The following STK32A variants were observed in gnomAD, a reference collection of about 807,000 sequenced individuals.
STK32A encodes serine/threonine kinase 32A.
Under a neutral mutation model 53.2 loss-of-function variants are expected in STK32A, and 41 were observed. The ratio of observed to expected loss-of-function variants is 0.77; its 90% confidence interval spans 0.60 to 1.00. The LOEUF is 1.00. Ranked by LOEUF, STK32A falls within the 50% of genes least tolerant of loss-of-function variation. The probability of loss-of-function intolerance (pLI) is 0.00; values close to 1 mark genes in which losing one functional copy is unlikely to be tolerated. For synonymous variants in STK32A, 166 were observed against 162.8 expected, an observed-to-expected ratio of 1.02 and a Z score of -0.15; for missense variants, 458 against 485.8, an observed-to-expected ratio of 0.94 and a Z score of 0.54.
At chr5:147,390,584 G>GA (rs994771324), downstream of STK32A, among the ~76,000 whole-genome samples, 1 of 150,926 alleles carries the variant, frequency 6.6e-6, no homozygotes, top group Admixed American at 6.6e-5. Context: ...ATCCACAGAA[G>GA]AAAAAAACTT....
At chr5:147,263,722 G>A (rs1217052932) in intron 2 of STK32A, among the ~76,000 whole-genome samples, 4 of 151,988 alleles carry the variant, frequency 2.6e-5, no homozygotes, top group Non-Finnish European at 5.9e-5. Flanking sequence ...AACATTTAAT[G>A]GCCAGGTGAG....
At chr5:147,306,880 G>A (rs1355633686) in intron 4 of STK32A, among the ~76,000 whole-genome samples, 1 of 151,992 alleles carries the variant, frequency 6.6e-6, no homozygotes, top group Non-Finnish European at 1.5e-5. Context: ...ATATAACTAT[G>A]CCTGACAATA....
At chr5:147,329,009 G>A (rs975554536) in intron 5 of STK32A, among the ~76,000 whole-genome samples, 1 of 152,080 alleles carries the variant, frequency 6.6e-6, no homozygotes, top group African/African-American at 2.4e-5. Context: ...ATAACTCACT[G>A]TTTGCTAAAT....
At chr5:147,370,318 ATACT>A (rs1232137223) in intron 8 of STK32A, among the ~76,000 whole-genome samples, 1 of 152,192 alleles carries the variant, frequency 6.6e-6, no homozygotes. Flanking sequence ...TTTCGTGTTA[ATACT>A]TATATAATAC....
chr5:147,270,638 C>A lies in STK32A; in HGVS notation c.53-7486C>A, dbSNP rs534548587. On this transcript the variant is annotated intron_variant, in intron 2 of 12. Coordinates refer to ENST00000397936, the MANE Select transcript of STK32A (RefSeq NM_001112724.2). ...TTACATATCAAAAAATCTAATAACT[C>A]ATTAAAGATATGTAAAATATATACA... Among the ~76,000 whole-genome samples, 6 of 152,218 alleles carry A rather than the reference C, an allele frequency of 3.9e-5. No homozygotes were observed. In the South Asian group the frequency reaches 1.2e-3, roughly 32 times the overall value.
intron 11 of STK32A, among the ~76,000 whole-genome samples, chr5:147,376,660 T>G (rs1742812077): frequency 1.3e-5 from 2 of 152,154 alleles, no homozygotes; most frequent in African/African-American, 4.8e-5. Flanking sequence ...TCACAGGCCC[T>G]GCAAGTGTCT....
Position 147,317,323 on chromosome 5 carries a change from C to CTTTTTTTTTTTTTTTTTTTTT in STK32A, c.261-6571_261-6551dup, listed in dbSNP as rs3064294. On this transcript the variant is annotated intron_variant, in intron 4 of 12. Coordinates refer to ENST00000397936, the MANE Select transcript of STK32A (RefSeq NM_001112724.2). ...TTAGGGTCTTTTTTTCTTTTTCTTT[C>CTTTTTTTTTTTTTTTTTTTTT]TTTTTTTTTTTTTTTTTTTTTTTTG... Among the ~76,000 whole-genome samples the CTTTTTTTTTTTTTTTTTTTTT allele has an allele frequency of 8.1e-4, 66 of 81,308 alleles. 1 individual carries two copies. Among genetic ancestry groups the CTTTTTTTTTTTTTTTTTTTTT allele is most frequent in the African/African-American group, 1.2e-3 (25 of 20,080 alleles). 53.3% of individuals were successfully genotyped at this position (81,308 alleles called of 152,430 possible).
intron 2 of STK32A, among the ~76,000 whole-genome samples, chr5:147,245,916 C>T (rs995459619): frequency 1.3e-5 from 2 of 152,110 alleles, no homozygotes; most frequent in African/African-American, 2.4e-5. Context: ...AAATGTTGGG[C>T]CAAGAAAATT....
chr5:147,399,247 T>C, the STK32A span: 3 of 1,613,854 alleles, frequency 1.9e-6, no homozygotes, highest in Non-Finnish European at 1.7e-6. Flanking sequence ...CCATTTTCCC[T>C]GTGGCCTATT....
At chr5:147,304,002 A>T (rs778248207) in intron 4 of STK32A, among the ~76,000 whole-genome samples, 2 of 152,228 alleles carry the variant, frequency 1.3e-5, no homozygotes, top group Non-Finnish European at 2.9e-5. Flanking sequence ...GCCACTAGAA[A>T]ATTTAAGCTC....
intron 1 of STK32A, among the ~76,000 whole-genome samples, chr5:147,236,868 G>A (rs1431908372): frequency 6.6e-6 from 1 of 152,132 alleles, no homozygotes; most frequent in Non-Finnish European, 1.5e-5. Flanking sequence ...CAGGATGACA[G>A]GCTACTTGAG....
At chr5:147,372,115 GTATTCAAATAAATGAGGTCCACAGC>G (rs1234492764) in intron 9 of STK32A, among the ~76,000 whole-genome samples, 1 of 151,988 alleles carries the variant, frequency 6.6e-6, no homozygotes, top group African/African-American at 2.4e-5. Flanking sequence ...AATTTGACAA[GTATTCAAATAAATGAGGTCCACAGC>G]TTTCATCAGA....
At chr5:147,350,849 C>T (rs550741851) in intron 6 of STK32A, among the ~76,000 whole-genome samples, 1 of 152,138 alleles carries the variant, frequency 6.6e-6, no homozygotes. Flanking sequence ...AAGGGTAAAA[C>T]TTTCTGAGGC....
intron 4 of STK32A, among the ~76,000 whole-genome samples, chr5:147,294,315 G>C (rs1005999143): frequency 4.6e-5 from 7 of 152,148 alleles, no homozygotes; most frequent in Admixed American, 6.5e-5. Context: ...AGCCTGGAGT[G>C]CAGTGGCATG....
At chr5:147,399,948 T>G in the STK32A span, among the ~76,000 whole-genome samples, 1 of 152,214 alleles carries the variant, frequency 6.6e-6, no homozygotes, top group Non-Finnish European at 1.5e-5. Context: ...GAATTGAGTT[T>G]AAAACCTAGC....
At chr5:147,342,946 A>AC in intron 5 of STK32A, 60 bp from the exon 6 acceptor site, 1 of 1,555,288 alleles carries the variant, frequency 6.4e-7, no homozygotes, top group Non-Finnish European at 8.8e-7. Context: ...TTTTGCCCCT[A>AC]CCCCTTAGTT....
intron 8 of STK32A, among the ~76,000 whole-genome samples, chr5:147,362,723 T>A (rs1053999737): frequency 2.0e-5 from 3 of 152,180 alleles, no homozygotes; most frequent in Non-Finnish European, 4.4e-5. Context: ...ATAGAAATTG[T>A]GTATGGGTGA....
downstream of STK32A, chr5:147,392,329 C>G (rs1757835427): frequency 6.6e-6 from 1 of 152,194 alleles, no homozygotes. Flanking sequence ...AGGGGAAATC[C>G]TGTTCCTTGG....
the STK32A span, chr5:147,395,550 C>A: frequency 6.2e-7 from 1 of 1,606,990 alleles, no homozygotes; most frequent in Admixed American, 1.7e-5. Context: ...ATGAGCCTGT[C>A]CCACTCACCT....
Sources: allele counts gnomAD v4.1 joint callset (sites outside exome capture counted in the v4.1 genomes callset), GRCh38; gene constraint gnomAD v4.1.1; transcripts MANE v1.5; gene names NCBI Gene and HGNC (gene_info 2026-07-23, HGNC 2026-07-21).